The following ASH1L variants were observed in gnomAD, a reference collection of about 807,000 sequenced individuals.
The protein encoded by ASH1L is histone-lysine N-methyltransferase ASH1L.
Under a neutral mutation model 269.0 loss-of-function variants are expected in ASH1L, and 23 were observed. The observed-to-expected ratio is 0.09, with a 90% confidence interval of 0.06 to 0.12. The LOEUF is 0.12. ASH1L is among the 10% of genes least tolerant of loss of function. ASH1L has a pLI of 1.00. For synonymous variants in ASH1L, 1,187 were observed against 1,253.5 expected, an observed-to-expected ratio of 0.95 and a Z score of 1.12; for missense variants, 2,912 against 3,567.8, an observed-to-expected ratio of 0.82 and a Z score of 4.68.
At chr1:155,337,870 A>T in intron 27 of ASH1L, 119 bp from the exon 28 acceptor site, 1 of 1,113,910 alleles carries the variant, frequency 9.0e-7, no homozygotes, top group Non-Finnish European at 1.3e-6. Context: ...TAAGCAATTT[A>T]GCCCATCCTC....
At chr1:155,411,823 G>A (rs1659835677) in intron 6 of ASH1L, among the ~76,000 whole-genome samples, 1 of 151,020 alleles carries the variant, frequency 6.6e-6, no homozygotes, top group African/African-American at 2.4e-5. Context: ...CCATACCCTA[G>A]AGAAAGGAAT....
intron 10 of ASH1L, 118 bp downstream of exon 10, chr1:155,378,163 T>C (rs367859271): frequency 4.2e-6 from 3 of 714,208 alleles, no homozygotes; most frequent in East Asian, 2.5e-5. Flanking sequence ...ATGGTTTATA[T>C]ATCTTTGTGC....
chr1:155,352,641 T>G (rs556484905), intron 17 of ASH1L, 65 bp downstream of exon 17: 1 of 1,472,168 alleles, frequency 6.8e-7, no homozygotes, highest in East Asian at 2.5e-5. Flanking sequence ...CCTATCTCTA[T>G]TTATTTAAAA....
chr1:155,502,870 G>A (rs777920789), intron 2 of ASH1L, among the ~76,000 whole-genome samples: 30 of 151,872 alleles, frequency 2.0e-4, no homozygotes, highest in Admixed American at 1.6e-3. Context: ...TTTAGTTATC[G>A]AGGTTGAGAC....
Position 155,482,117 on chromosome 1 carries a change from C to T in ASH1L, c.753G>A (p.Lys251=). Residue 251 remains lysine, a synonymous_variant, in exon 3 of 28, where the codon AAG becomes AAA. Coordinates refer to ENST00000392403, the MANE Select transcript of ASH1L (RefSeq NM_018489.3). ...GTGTTAGLVS[K]DLIRKAGVGS... is the part of the protein sequence containing the mutation. ...CAACACCTGCTTTCCTGATCAAATC[C>T]TTGCTAACCAATCCTGCTGTAGTGC... 1 of 1,614,040 alleles carries T rather than the reference C, an allele frequency of 6.2e-7. No homozygotes were observed. Among genetic ancestry groups the T allele is most frequent in the South Asian group, 1.1e-5 (1 of 91,084 alleles).
intron 5 of ASH1L, among the ~76,000 whole-genome samples, chr1:155,431,017 C>T (rs1259884970): frequency 6.6e-6 from 1 of 151,790 alleles, no homozygotes; most frequent in African/African-American, 2.4e-5. Flanking sequence ...TTCGAGACCA[C>T]CCTGGCCTAT....
intron 7 of ASH1L, among the ~76,000 whole-genome samples, chr1:155,394,882 G>T (rs919906922): frequency 3.3e-5 from 5 of 151,990 alleles, no homozygotes; most frequent in African/African-American, 4.8e-5. Flanking sequence ...GCTACTACTT[G>T]GTTTTTCCTA....
intron 7 of ASH1L, among the ~76,000 whole-genome samples, chr1:155,392,003 A>G (rs556475829): frequency 3.4e-4 from 52 of 152,216 alleles, no homozygotes; most frequent in Middle Eastern, 3.4e-3. Flanking sequence ...ATAAAAGAAA[A>G]TAAGTTTTTC....
chr1:155,420,218 A>G (rs915983402), intron 5 of ASH1L, among the ~76,000 whole-genome samples: 1 of 151,782 alleles, frequency 6.6e-6, no homozygotes, highest in African/African-American at 2.4e-5. Flanking sequence ...CCAGCTTCTC[A>G]GGAAGCTGAG....
At chr1:155,406,889 G>A (rs903583502) in intron 6 of ASH1L, among the ~76,000 whole-genome samples, 5 of 152,002 alleles carry the variant, frequency 3.3e-5, no homozygotes, top group African/African-American at 7.3e-5. Flanking sequence ...CTTAAAAATC[G>A]AGGATAGAAT....
chr1:155,391,983 TAAGA>T (rs1657968896), intron 7 of ASH1L, among the ~76,000 whole-genome samples: 1 of 151,834 alleles, frequency 6.6e-6, no homozygotes, highest in Non-Finnish European at 1.5e-5. Flanking sequence ...AATAAAAAAA[TAAGA>T]AAGAAATAAA....
At chr1:155,417,010 C>T (rs1304643791) in intron 5 of ASH1L, among the ~76,000 whole-genome samples, 1 of 150,696 alleles carries the variant, frequency 6.6e-6, no homozygotes, top group African/African-American at 2.4e-5. Context: ...CGGCTCACTG[C>T]AACCTCCGCC....
In ASH1L at chr1:155,343,579, A is replaced by G. The variant is rs376031179; in HGVS notation, c.8120+25T>C. ...TCCACTGGTACAGCACGGCTGGAAG[A>G]AAAGGACAGGACCTCAGCACGTACT... On this transcript the variant is annotated intron_variant, in intron 23 of 27. Transcript: ENST00000392403. This position sits in a 1 kb window ranked among gnomAD's most constrained non-coding sequence, Gnocchi z 6.1. The G allele has an allele frequency of 2.4e-5, 38 of 1,613,540 alleles. No individual in the cohort carries two copies. The highest frequency in any genetic ancestry group is 3.1e-5 in the Non-Finnish European group (36 of 1,179,670).
rs143590748 is a variant in ASH1L, at chr1:155,369,826, C to T, written c.6686+678G>A. 4.9e-3 allele frequency among the ~76,000 whole-genome samples: 752 copies of T among 152,250 alleles called. 9 individuals are homozygous for T. The highest frequency in any genetic ancestry group is 0.017 in the African/African-American group (719 of 41,552). On this transcript the variant is annotated intron_variant, in intron 12 of 27. Transcript: ENST00000392403. ...GCTCTGTCACCCAGATTGGAGTACACTGGTGTGATCTCAGCTCACTGCAAC... is the reference window on the plus strand; with the variant it reads ...GCTCTGTCACCCAGATTGGAGTACATTGGTGTGATCTCAGCTCACTGCAAC...
chr1:155,431,548 T>G (rs1223458825), intron 5 of ASH1L, among the ~76,000 whole-genome samples: 1 of 151,884 alleles, frequency 6.6e-6, no homozygotes, highest in Non-Finnish European at 1.5e-5. Context: ...ATCGCTTGAG[T>G]GCAGGAGTTC....
At chr1:155,354,399 T>G (rs1654188137) in intron 16 of ASH1L, 74 bp downstream of exon 16, 1 of 1,397,400 alleles carries the variant, frequency 7.2e-7, no homozygotes, top group Non-Finnish European at 9.8e-7. Flanking sequence ...GCCTAGATCA[T>G]GCCATTGCAC....
intron 1 of ASH1L, among the ~76,000 whole-genome samples, chr1:155,548,030 G>T (rs1670948002): frequency 6.6e-6 from 1 of 152,160 alleles, no homozygotes; most frequent in Non-Finnish European, 1.5e-5. Context: ...CATGGATGAA[G>T]CTGGAAGCCA....
intron 3 of ASH1L, among the ~76,000 whole-genome samples, chr1:155,465,678 T>C (rs1465301508): frequency 6.6e-6 from 1 of 152,226 alleles, no homozygotes; most frequent in East Asian, 1.9e-4. Flanking sequence ...AAAAAAGATT[T>C]CTCTTCTTTC....
rs1245829997 is a variant in ASH1L at position 155,398,471 on chromosome 1, A to C, written c.6009-2918T>G. Among the ~76,000 whole-genome samples the C allele has an allele frequency of 1.0e-3, 154 of 152,312 alleles. 1 individual carries two copies. The highest frequency in any genetic ancestry group is 3.7e-4 in the Non-Finnish European group (25 of 68,032). ...GTATTTGTGTATCTAAACATTTCTA[A>C]ACATAAGAAAGATAGAGTAAAAATA... On this transcript the variant is annotated intron_variant, in intron 6 of 27. Transcript: ENST00000392403.
Sources: gnomAD v4.1 joint callset for allele counts (sites outside exome capture counted in the v4.1 genomes callset) on GRCh38, gnomAD v4.1.1 for gene constraint, Gnocchi (gnomAD v3.1) non-coding constraint, MANE v1.5 for transcripts, NCBI Gene and HGNC (gene_info 2026-07-23, HGNC 2026-07-21) for gene names.